The following DLG2 variants were observed in gnomAD, a reference collection of about 807,000 sequenced individuals.
The protein encoded by DLG2 is discs large MAGUK scaffold protein 2.
A neutral mutation model predicts 132.5 loss-of-function variants in DLG2; 45 were observed. That is an observed-to-expected ratio of 0.34 (90% CI 0.27 to 0.44). DLG2 has a LOEUF of 0.44. Ranked by LOEUF, DLG2 falls within the 20% of genes least tolerant of loss-of-function variation. DLG2 has a pLI of 1.00. For missense variants in DLG2, 1,045 were observed against 1,196.9 expected (o/e 0.87, Z 1.87); for synonymous variants, 424 against 419.6 (o/e 1.01, Z -0.13).
At chr11:85,420,561 A>T (rs2090212747) in intron 3 of DLG2, among the ~76,000 whole-genome samples, 1 of 152,112 alleles carries the variant, frequency 6.6e-6, no homozygotes, top group South Asian at 2.1e-4. Context: ...CTCTGTCCCA[A>T]GGAGATGGGA....
chr11:83,562,966 CTTTTTTTTTT>C (rs527949325), intron 19 of DLG2, among the ~76,000 whole-genome samples: 15 of 81,366 alleles, frequency 1.8e-4, no homozygotes, highest in Middle Eastern at 7.8e-3. Context: ...TTCCCTAATT[CTTTTTTTTTT>C]TTTTTTTTTT....
chr11:84,939,101 T>C (rs2049081603), intron 6 of DLG2, among the ~76,000 whole-genome samples: 1 of 152,070 alleles, frequency 6.6e-6, no homozygotes, highest in Non-Finnish European at 1.5e-5. Context: ...TTATTAAAAA[T>C]ACAAAATTAC....
intron 6 of DLG2, among the ~76,000 whole-genome samples, chr11:84,596,461 G>A (rs888785693): frequency 2.0e-5 from 3 of 150,228 alleles, no homozygotes; most frequent in African/African-American, 4.9e-5. Context: ...GACCTCAGGT[G>A]ATCTGCTCAC....
intron 3 of DLG2, among the ~76,000 whole-genome samples, chr11:85,466,785 C>T (rs1391171507): frequency 1.3e-5 from 2 of 152,122 alleles, no homozygotes; most frequent in Admixed American, 6.6e-5. Flanking sequence ...ATTGACTTGG[C>T]AATGTGGGTT....
intron 11 of DLG2, among the ~76,000 whole-genome samples, chr11:84,008,833 T>C (rs1312918999): frequency 6.6e-6 from 1 of 151,734 alleles, no homozygotes; most frequent in East Asian, 1.9e-4. Context: ...AAATAAGAGT[T>C]CCTGGGATGA....
At chr11:83,838,354 T>C (rs2056770399) in intron 16 of DLG2, among the ~76,000 whole-genome samples, 1 of 152,212 alleles carries the variant, frequency 6.6e-6, no homozygotes, top group African/African-American at 2.4e-5. Context: ...AATGAAATTA[T>C]GAGTAAAATA....
At chr11:83,860,440 A>T (rs1327678494) in intron 16 of DLG2, among the ~76,000 whole-genome samples, 1 of 152,144 alleles carries the variant, frequency 6.6e-6, no homozygotes, top group African/African-American at 2.4e-5. Context: ...TTAAGATTTG[A>T]CTGCCACGCT....
intron 18 of DLG2, among the ~76,000 whole-genome samples, chr11:83,661,440 A>T (rs1478220513): frequency 6.6e-6 from 1 of 152,190 alleles, no homozygotes; most frequent in Non-Finnish European, 1.5e-5. Context: ...CTACAACAAT[A>T]TATTATTAGT....
intron 10 of DLG2, among the ~76,000 whole-genome samples, chr11:84,083,046 A>G (rs1404749165): frequency 6.6e-6 from 1 of 152,100 alleles, no homozygotes; most frequent in Non-Finnish European, 1.5e-5. Flanking sequence ...TTTGGAGGCC[A>G]AGGCGGGTAG....
chr11:85,055,564 A>C (rs1373990334), intron 6 of DLG2, among the ~76,000 whole-genome samples: 1 of 152,194 alleles, frequency 6.6e-6, no homozygotes, highest in Non-Finnish European at 1.5e-5. Flanking sequence ...GGAAACAAAA[A>C]TTAGGGTTCA....
intron 4 of DLG2, among the ~76,000 whole-genome samples, chr11:85,213,088 A>G (rs1224555799): frequency 6.6e-6 from 1 of 152,194 alleles, no homozygotes; most frequent in Non-Finnish European, 1.5e-5. Flanking sequence ...GAGGGAAAGA[A>G]AAAAAACCAT....
At chr11:85,003,847 TTC>T (rs1291386380) in intron 6 of DLG2, among the ~76,000 whole-genome samples, 1 of 152,148 alleles carries the variant, frequency 6.6e-6, no homozygotes, top group Non-Finnish European at 1.5e-5. Flanking sequence ...CATTTGGTTT[TTC>T]TCTTAATGCT....
chr11:84,183,453 A>G (rs757623000), intron 8 of DLG2, among the ~76,000 whole-genome samples: 6 of 152,208 alleles, frequency 3.9e-5, no homozygotes, highest in Non-Finnish European at 8.8e-5. Flanking sequence ...TAGTTATGCT[A>G]TGAACCTAAA....
chr11:84,326,649 A>G (rs749185605), intron 7 of DLG2, among the ~76,000 whole-genome samples: 4 of 152,176 alleles, frequency 2.6e-5, no homozygotes, highest in Admixed American at 6.5e-5. Flanking sequence ...TATGTCATCT[A>G]TCCTGGAAAA....
chr11:84,892,987 A>G (rs755535977), intron 6 of DLG2, among the ~76,000 whole-genome samples: 2 of 152,162 alleles, frequency 1.3e-5, no homozygotes, highest in Non-Finnish European at 2.9e-5. Context: ...AGTTACACAG[A>G]CTAGGGTTCA....
chr11:84,891,084 T>A (rs1463245229), intron 6 of DLG2: 1 of 152,176 alleles, frequency 6.6e-6, no homozygotes, highest in Non-Finnish European at 1.5e-5. Context: ...TTCCAAATAA[T>A]GTAGTTATTT....
At chr11:84,022,591 A>G (rs563954431) in intron 11 of DLG2, among the ~76,000 whole-genome samples, 28 of 152,336 alleles carry the variant, frequency 1.8e-4, no homozygotes, top group African/African-American at 6.0e-4. Flanking sequence ...AAAACAAAGA[A>G]ATGTTAGTGA....
intron 6 of DLG2, among the ~76,000 whole-genome samples, chr11:84,642,560 T>G (rs1455088010): frequency 6.6e-6 from 1 of 151,874 alleles, no homozygotes; most frequent in Non-Finnish European, 1.5e-5. Context: ...ACAATAAGAG[T>G]GCCTGCCTTC....
At chr11:84,388,984 C>T (rs1004640082) in intron 7 of DLG2, among the ~76,000 whole-genome samples, 4 of 152,082 alleles carry the variant, frequency 2.6e-5, no homozygotes, top group African/African-American at 9.7e-5. Flanking sequence ...AAAGGATATA[C>T]TTTAATTTGC....
Sources: gnomAD v4.1 joint callset for allele counts (sites outside exome capture counted in the v4.1 genomes callset) on GRCh38, gnomAD v4.1.1 for gene constraint, MANE v1.5 for transcripts, NCBI Gene and HGNC (gene_info 2026-07-23, HGNC 2026-07-21) for gene names.